SLC44A5: variants seen among roughly 807,000 people sequenced by gnomAD.
The protein encoded by SLC44A5 is solute carrier family 44 member 5, also known as choline transporter-like protein 5.
Under a neutral mutation model 101.8 loss-of-function variants are expected in SLC44A5, and 57 were observed. The observed-to-expected ratio is 0.56, with a 90% confidence interval of 0.45 to 0.70. SLC44A5 has a LOEUF of 0.70. Ranked by LOEUF, SLC44A5 falls within the 30% of genes least tolerant of loss-of-function variation. The probability of loss-of-function intolerance (pLI) is 0.00; values close to 1 mark genes in which losing one functional copy is unlikely to be tolerated. For missense variants in SLC44A5, 737 were observed against 853.1 expected (o/e 0.86, Z 1.70); for synonymous variants, 281 against 290.9 (o/e 0.97, Z 0.35).
chr1:75,387,567 G>A (rs1429740688), intron 3 of SLC44A5, among the ~76,000 whole-genome samples: 3 of 64,358 alleles, frequency 4.7e-5, no homozygotes, highest in African/African-American at 1.8e-4. Context: ...AACAACAGGT[G>A]CTGGAGAGGA....
intron 3 of SLC44A5, among the ~76,000 whole-genome samples, chr1:75,375,051 G>A (rs372618353): frequency 9.9e-5 from 15 of 152,120 alleles, no homozygotes; most frequent in African/African-American, 3.6e-4. Flanking sequence ...TCAGAATATG[G>A]ATGGCCAAGA....
At chr1:75,260,921 A>T (rs1164441180) in intron 6 of SLC44A5, among the ~76,000 whole-genome samples, 1 of 152,154 alleles carries the variant, frequency 6.6e-6, no homozygotes, top group Admixed American at 6.5e-5. Flanking sequence ...CTCCTGAATG[A>T]CTACTGGGTA....
At chr1:75,671,343 C>A in the SLC44A5 span, among the ~76,000 whole-genome samples, 4 of 152,106 alleles carry the variant, frequency 2.6e-5, no homozygotes, top group African/African-American at 2.4e-5. Context: ...ATAGGAGGAG[C>A]AGTCTCTTCA....
chr1:75,299,846 TAA>T (rs956929410), intron 5 of SLC44A5, among the ~76,000 whole-genome samples: 5 of 61,804 alleles, frequency 8.1e-5, no homozygotes, highest in Non-Finnish European at 1.6e-4. Flanking sequence ...TTGTCTCTAC[TAA>T]AAAAAAAAAA....
rs186295074 is a variant in SLC44A5, at chr1:75,222,395, G to A, written c.1051C>T (p.Arg351Ter). The part of the protein sequence containing the change: ...LMLIFLRNRI[R>*]VAIILLKEGS... Reference sequence around the variant, plus strand: ...TCCTTCAGCAGGATAATGGCGACTCGGATTCGATTCCTGAGGAAGATCAGC... The same window carrying A: ...TCCTTCAGCAGGATAATGGCGACTCAGATTCGATTCCTGAGGAAGATCAGC... Residue 351 changes from arginine (R) to a stop codon, truncating the protein, a stop_gained, in exon 14 of 24, where the codon CGA (arginine) becomes TGA (stop). Transcript: ENST00000370859. LOFTEE classifies it high-confidence loss of function. 4 of 1,613,644 alleles carry A rather than the reference G, an allele frequency of 2.5e-6. No individual in the cohort carries two copies. In the Admixed American group the frequency reaches 5.0e-5, roughly 20 times the overall value.
intron 2 of SLC44A5, among the ~76,000 whole-genome samples, chr1:75,478,853 G>A (rs1022275779): frequency 1.3e-5 from 2 of 152,106 alleles, no homozygotes; most frequent in African/African-American, 4.8e-5. Flanking sequence ...GAGACAGAAA[G>A]TTAACAAGGA....
intron 7 of SLC44A5, among the ~76,000 whole-genome samples, chr1:75,244,904 T>C (rs78528206): frequency 6.6e-6 from 1 of 152,114 alleles, no homozygotes; most frequent in Non-Finnish European, 1.5e-5. Flanking sequence ...TTCTCAGCCC[T>C]GACTTGCTCC....
At chr1:75,409,743 A>G (rs574745652) in intron 2 of SLC44A5, among the ~76,000 whole-genome samples, 17 of 152,208 alleles carry the variant, frequency 1.1e-4, no homozygotes, top group African/African-American at 3.6e-4. Flanking sequence ...ACCCAATGGT[A>G]TCACTTCCCA....
chr1:75,691,731 G>A, the SLC44A5 span, among the ~76,000 whole-genome samples: 3 of 152,214 alleles, frequency 2.0e-5, no homozygotes, highest in Non-Finnish European at 2.9e-5. Context: ...CCAATTCAGT[G>A]CCTGATGAGG....
chr1:75,221,776 T>C (rs755786962), intron 14 of SLC44A5, among the ~76,000 whole-genome samples: 1 of 152,162 alleles, frequency 6.6e-6, no homozygotes, highest in Non-Finnish European at 1.5e-5. Flanking sequence ...CTAACACATA[T>C]TTGGTGTTCA....
At chr1:75,568,957 G>A (rs1019262728) in intron 1 of SLC44A5, among the ~76,000 whole-genome samples, 14 of 152,118 alleles carry the variant, frequency 9.2e-5, no homozygotes, top group African/African-American at 3.4e-4. Context: ...GTACATGTCT[G>A]GGTTTTTGTA....
intron 2 of SLC44A5, among the ~76,000 whole-genome samples, chr1:75,439,750 G>A (rs1277099532): frequency 6.6e-6 from 1 of 152,070 alleles, no homozygotes; most frequent in Non-Finnish European, 1.5e-5. Context: ...AGTCCAGAAA[G>A]AGAAAATGGA....
At chr1:75,336,990 T>C (rs1657494511) in intron 4 of SLC44A5, among the ~76,000 whole-genome samples, 1 of 152,164 alleles carries the variant, frequency 6.6e-6, no homozygotes, top group African/African-American at 2.4e-5. Context: ...TGGTTGAGGG[T>C]TCAGATAGCA....
chr1:75,683,600 C>T, the SLC44A5 span, among the ~76,000 whole-genome samples: 1 of 151,690 alleles, frequency 6.6e-6, no homozygotes, highest in Non-Finnish European at 1.5e-5. Flanking sequence ...TCTCTGGGGA[C>T]TGTTGTGAGG....
intron 2 of SLC44A5, among the ~76,000 whole-genome samples, chr1:75,441,488 A>AGTCAAGG (rs1435256372): frequency 6.6e-6 from 1 of 152,056 alleles, no homozygotes; most frequent in African/African-American, 2.4e-5. Context: ...ATTTAAAAAA[A>AGTCAAGG]GTCAAGGAAA....
At position 75,504,193 on chromosome 1, in the gene SLC44A5, T is replaced by G. The variant is rs1030016242; in HGVS notation, c.13+37242A>C. On this transcript the variant is annotated intron_variant, in intron 2 of 23. Transcript: ENST00000370859. ...TACAGTATTTCCATTTTCCCCAAGG[T>G]TATCCTTATTCCACAAATGAGAAAT... Among the ~76,000 whole-genome samples, 7 of 152,272 alleles carry G rather than the reference T, an allele frequency of 4.6e-5. No individual in the cohort carries two copies. The East Asian group carries it at 1.4e-3, about 29-fold the overall frequency.
chr1:75,476,854 C>T (rs1403994238), intron 2 of SLC44A5, among the ~76,000 whole-genome samples: 1 of 152,244 alleles, frequency 6.6e-6, no homozygotes, highest in East Asian at 1.9e-4. Context: ...CAGCAGTAAC[C>T]TCTGCAGACT....
At chr1:75,273,335 A>C (rs1343657225) in intron 6 of SLC44A5, among the ~76,000 whole-genome samples, 1 of 152,116 alleles carries the variant, frequency 6.6e-6, no homozygotes, top group Admixed American at 6.6e-5. Context: ...AAACAGTGAC[A>C]GTTTGACTTC....
chr1:75,632,036 T>C, the SLC44A5 span, among the ~76,000 whole-genome samples: 1 of 152,128 alleles, frequency 6.6e-6, no homozygotes, highest in East Asian at 1.9e-4. Context: ...ACTTGGGAAA[T>C]TTAATTTTAA....
Sources: gnomAD v4.1 joint callset for allele counts (sites outside exome capture counted in the v4.1 genomes callset) on GRCh38, gnomAD v4.1.1 for gene constraint, MANE v1.5 for transcripts, NCBI Gene and HGNC (gene_info 2026-07-23, HGNC 2026-07-21) for gene names.